The following ASIC2 variants were observed in gnomAD, a reference collection of about 807,000 sequenced individuals.
ASIC2 encodes acid sensing ion channel subunit 2, also known as acid-sensing ion channel 2.
Under a neutral mutation model 57.3 loss-of-function variants are expected in ASIC2, and 25 were observed. The observed-to-expected ratio is 0.44, with a 90% confidence interval of 0.32 to 0.61. The LOEUF (loss-of-function observed/expected upper bound fraction) is 0.61. Among genes scored for constraint, ASIC2 ranks in the 20% least tolerant of loss-of-function variants. The pLI is 0.06. For missense variants in ASIC2, 641 were observed against 738.1 expected (o/e 0.87, Z 1.52); for synonymous variants, 319 against 307.5 (o/e 1.04, Z -0.39).
chr17:33,209,452 T>TA (rs1322113109), intron 1 of ASIC2, among the ~76,000 whole-genome samples: 4 of 152,346 alleles, frequency 2.6e-5, no homozygotes, highest in Admixed American at 6.5e-5. Flanking sequence ...TTGACATTTA[T>TA]AGCCAGATAA....
chr17:33,190,238 T>A (rs1036911634), intron 1 of ASIC2, among the ~76,000 whole-genome samples: 1 of 152,178 alleles, frequency 6.6e-6, no homozygotes, highest in African/African-American at 2.4e-5. Context: ...CAATATAGTA[T>A]AATGGGTTCA....
At chr17:33,635,111 C>T (rs1313114835) in intron 1 of ASIC2, 3 of 149,762 alleles carry the variant, frequency 2.0e-5, no homozygotes, top group Non-Finnish European at 4.5e-5. Context: ...AAGTCTAGGG[C>T]TTCATCTCCA....
At chr17:33,751,725 C>T (rs887876471) in intron 1 of ASIC2, among the ~76,000 whole-genome samples, 1 of 151,976 alleles carries the variant, frequency 6.6e-6, no homozygotes, top group African/African-American at 2.4e-5. Flanking sequence ...ATTCTAGTTT[C>T]CCCTGCTCCC....
At chr17:33,452,928 A>G (rs1427449707) in intron 1 of ASIC2, among the ~76,000 whole-genome samples, 4 of 152,050 alleles carry the variant, frequency 2.6e-5, no homozygotes. Flanking sequence ...AAACTGCTCT[A>G]CATGCCAGTA....
At chr17:33,485,617 CT>C (rs1247078248) in intron 1 of ASIC2, among the ~76,000 whole-genome samples, 1 of 152,200 alleles carries the variant, frequency 6.6e-6, no homozygotes, top group African/African-American at 2.4e-5. Flanking sequence ...TCCGGGACCC[CT>C]ATCACCTCCC....
chr17:33,338,762 AG>A (rs532133933), intron 1 of ASIC2, among the ~76,000 whole-genome samples: 61 of 152,322 alleles, frequency 4.0e-4, no homozygotes, highest in Non-Finnish European at 5.9e-4. Flanking sequence ...AAGAGGAAAA[AG>A]CTGTCTAAAA....
chr17:33,597,975 G>A (rs778241450), intron 1 of ASIC2, among the ~76,000 whole-genome samples: 13 of 151,892 alleles, frequency 8.6e-5, no homozygotes, highest in African/African-American at 2.9e-4. Context: ...TTCTTTCTCC[G>A]AATGTATCTA....
At chr17:33,598,284 C>G (rs537369469) in intron 1 of ASIC2, among the ~76,000 whole-genome samples, 2 of 152,338 alleles carry the variant, frequency 1.3e-5, no homozygotes, top group Non-Finnish European at 2.9e-5. Context: ...GCTAATTGCT[C>G]TAACCTTCTG....
At chr17:33,608,410 A>T (rs1194573401) in intron 1 of ASIC2, among the ~76,000 whole-genome samples, 2 of 152,132 alleles carry the variant, frequency 1.3e-5, no homozygotes, top group Non-Finnish European at 2.9e-5. Context: ...GAAGAGACTC[A>T]TATATTTTCG....
At chr17:33,617,535 T>C (rs1335495763) in intron 1 of ASIC2, among the ~76,000 whole-genome samples, 1 of 152,108 alleles carries the variant, frequency 6.6e-6, no homozygotes, top group Non-Finnish European at 1.5e-5. Context: ...ATAAAAAAAC[T>C]ACCTATTGGG....
chr17:33,777,484 C>T (rs1377537726), intron 1 of ASIC2, among the ~76,000 whole-genome samples: 1 of 152,072 alleles, frequency 6.6e-6, no homozygotes. Context: ...AATGAGGCTG[C>T]CAAGGAAAGT....
chr17:33,430,579 A>C (rs373848614), intron 1 of ASIC2, among the ~76,000 whole-genome samples: 105 of 152,302 alleles, frequency 6.9e-4, no homozygotes, highest in South Asian at 4.8e-3. Flanking sequence ...GAAGCAATGC[A>C]GGGTGCTGGG....
Position 33,112,079 on chromosome 17 carries a change from AAGAG to A in ASIC2, c.709-16_709-13del, listed in dbSNP as rs140895516. 1.6e-4 allele frequency: 249 copies of A among 1,577,214 alleles called. No individual in the cohort carries two copies. Among genetic ancestry groups the A allele is most frequent in the African/African-American group, 6.6e-4 (49 of 73,718 alleles). On this transcript the variant is annotated splice_polypyrimidine_tract_variant and intron_variant, in intron 1 of 9. Transcript: ENST00000225823. ...TATTTTGTAAACACCTGAAGGAGAG[AAGAG>A]AGAGAGAGAGAGAAGCACATGGGTA...
intron 1 of ASIC2, among the ~76,000 whole-genome samples, chr17:33,459,253 T>C (rs1243016412): frequency 6.6e-6 from 1 of 152,058 alleles, no homozygotes; most frequent in East Asian, 1.9e-4. Flanking sequence ...ACGGGGTCGG[T>C]CTGTGCTCTT....
At chr17:34,045,579 T>G (rs1482887740) in intron 1 of ASIC2, among the ~76,000 whole-genome samples, 2 of 152,214 alleles carry the variant, frequency 1.3e-5, no homozygotes, top group Non-Finnish European at 2.9e-5. Flanking sequence ...TCTGTCTATA[T>G]GACTTTCGGC....
chr17:33,879,717 A>G (rs79468213), intron 1 of ASIC2, among the ~76,000 whole-genome samples: 39,242 of 152,106 alleles, frequency 0.26, 5,252 homozygotes, highest in Middle Eastern at 0.36. Context: ...GTTAACAAGG[A>G]TATCCAGGAA....
intron 1 of ASIC2, among the ~76,000 whole-genome samples, chr17:33,415,895 C>T (rs1384043945): frequency 1.3e-5 from 2 of 152,206 alleles, no homozygotes; most frequent in Non-Finnish European, 2.9e-5. Context: ...CTCTGTTCCG[C>T]CTGGAACCTG....
intron 1 of ASIC2, among the ~76,000 whole-genome samples, chr17:33,962,597 T>C (rs1904959959): frequency 6.6e-6 from 1 of 152,184 alleles, no homozygotes; most frequent in Admixed American, 6.5e-5. Context: ...GAAGTGCTCA[T>C]GTTCGCTTGT....
chr17:33,665,260 C>T (rs1357781198), intron 1 of ASIC2, among the ~76,000 whole-genome samples: 1 of 152,094 alleles, frequency 6.6e-6, no homozygotes, highest in African/African-American at 2.4e-5. Context: ...TCCATATATA[C>T]AATTTATGCA....
Sources: gnomAD v4.1 joint callset for allele counts (sites outside exome capture counted in the v4.1 genomes callset) on GRCh38, gnomAD v4.1.1 for gene constraint, MANE v1.5 for transcripts, NCBI Gene and HGNC (gene_info 2026-07-23, HGNC 2026-07-21) for gene names.